The following LAMC1 variants were observed in gnomAD, a reference collection of about 807,000 sequenced individuals.
The protein encoded by LAMC1 is laminin subunit gamma 1, also known as laminin subunit gamma-1.
A neutral mutation model predicts 173.6 loss-of-function variants in LAMC1; 38 were observed. The observed-to-expected ratio is 0.22, with a 90% CI of 0.17 to 0.29. LAMC1 has a LOEUF of 0.29. Among genes scored for constraint, LAMC1 ranks in the 10% least tolerant of loss-of-function variants. The pLI is 1.00. For synonymous variants in LAMC1, 746 were observed against 749.1 expected, an observed-to-expected ratio of 1.00 and a Z score of 0.07; for missense variants, 1,824 against 2,051.8, an observed-to-expected ratio of 0.89 and a Z score of 2.14.
rs555811270 is a variant in LAMC1 at position 183,081,701 on chromosome 1, A to G, written c.419-21627A>G. On this transcript the variant is annotated intron_variant, in intron 1 of 27. Coordinates refer to ENST00000258341, the MANE Select transcript of LAMC1 (RefSeq NM_002293.4). The stretch of plus-strand genomic sequence containing the variant: ...GATCACCACACACATAGCCTCTGCA[A>G]TTGTCAACATTTCCTATCAGAATGG... Among the ~76,000 whole-genome samples the G allele has an allele frequency of 9.2e-5, 14 of 152,294 alleles. No individual in the cohort carries two copies. In the South Asian group the frequency reaches 1.5e-3, roughly 16 times the overall value.
intron 1 of LAMC1, among the ~76,000 whole-genome samples, chr1:183,055,675 G>T (rs185061229): frequency 1.8e-4 from 28 of 152,162 alleles, no homozygotes; most frequent in Admixed American, 2.6e-4. Flanking sequence ...AGATGGGCAT[G>T]GTGTCGTGCA....
rs1283205192 is a variant in LAMC1, at chr1:183,103,604, A to G, written c.695A>G (p.Tyr232Cys). The change falls in exon 2 of 28, where the codon TAT (tyrosine) becomes TGT (cysteine). Residue 232 changes from tyrosine (Y) to cysteine (C), a missense_variant. Transcript: ENST00000258341. ...ACCCTGGAAGGAAGGCCCAGCGCCT[A>G]TAACTTTGACAATAGCCCTGTGCTG... ...FSTLEGRPSAYNFDNSPVLQE... is the reference protein window; with the variant it reads ...FSTLEGRPSACNFDNSPVLQE... The G allele has an allele frequency of 4.4e-6, 7 of 1,580,440 alleles. No individual in the cohort carries two copies. Among genetic ancestry groups the G allele is most frequent in the Non-Finnish European group, 6.0e-6 (7 of 1,164,536 alleles).
intron 1 of LAMC1, 83 bp downstream of exon 1, chr1:183,024,217 A>C: frequency 7.5e-7 from 1 of 1,325,504 alleles, no homozygotes; most frequent in Non-Finnish European, 1.0e-6. Flanking sequence ...GGCCGGCCTC[A>C]CGGGCGCAGA....
Position 183,131,363 on chromosome 1 carries a change from G to T in LAMC1, c.3551G>T (p.Arg1184Leu), listed in dbSNP as rs781075791. ...NNMTLLAEEA[R>L]KLAERHKQEA... is the part of the protein sequence containing the mutation. ...ATGACTCTTTTGGCAGAAGAGGCTC[G>T]AAAGCTTGCTGAACGGTAACTTCTA... Residue 1184 changes from arginine (R) to leucine (L), a missense_variant, in exon 20 of 28, where the codon CGA becomes CTA. Physicochemically the swap from Arg to Leu is moderately radical, Grantham distance 102 (BLOSUM62 -2). Transcript: ENST00000258341. The T allele has an allele frequency of 2.2e-5, 35 of 1,613,088 alleles. No homozygotes were observed. The South Asian group carries it at 3.8e-4, about 18-fold the overall frequency.
In LAMC1 at chr1:183,023,651, G is replaced by A; in HGVS notation, c.-66G>A. The A allele has an allele frequency of 8.9e-7, 1 of 1,121,924 alleles. No homozygotes were observed. The highest frequency in any genetic ancestry group is 4.8e-5 in the Admixed American group (1 of 20,858). 69.5% of individuals were successfully genotyped at this position (1,121,924 alleles called of 1,614,324 possible). On this transcript the variant is annotated 5_prime_UTR_variant, in exon 1 of 28. Transcript: ENST00000258341. ...AGCAGCGAAGCGGCCTCCGGGGGAC[G>A]CCGCTAGGCGAGAGGAACGCGCCGG... is the stretch of plus-strand genomic sequence containing the variant.
intron 1 of LAMC1, among the ~76,000 whole-genome samples, chr1:183,075,937 C>A (rs1033003097): frequency 1.3e-5 from 2 of 152,110 alleles, no homozygotes; most frequent in South Asian, 4.1e-4. Context: ...TCAGCCACCT[C>A]CTTTGTGGAG....
intron 1 of LAMC1, among the ~76,000 whole-genome samples, chr1:183,041,757 C>A (rs983587986): frequency 9.9e-5 from 15 of 152,188 alleles, no homozygotes; most frequent in Non-Finnish European, 2.1e-4. Context: ...GGGAGGATTT[C>A]ATTGGCTTCC....
intron 4 of LAMC1, among the ~76,000 whole-genome samples, chr1:183,113,880 A>G (rs948152192): frequency 6.6e-6 from 1 of 152,232 alleles, no homozygotes; most frequent in African/African-American, 2.4e-5. Context: ...CTAAAGATTC[A>G]GGAGAATTAT....
intron 1 of LAMC1, among the ~76,000 whole-genome samples, chr1:183,098,982 C>G (rs1655763439): frequency 6.6e-6 from 1 of 152,184 alleles, no homozygotes; most frequent in Non-Finnish European, 1.5e-5. Flanking sequence ...GGCCCTGTAA[C>G]CCTTCCAAAT....
rs1243659379 is a variant in LAMC1, at chr1:183,136,377, T to A, written c.4115-9T>A. 6.2e-7 allele frequency: 1 copy of A among 1,613,644 alleles called. No homozygotes were observed. The highest frequency in any genetic ancestry group is 1.1e-5 in the South Asian group (1 of 90,994). ...GTTTAGCTCAAATGTGTCCTTGAAC[T>A]TGTTTCAGATTTTGATAGGCGTGTG... On this transcript the variant is annotated splice_polypyrimidine_tract_variant and intron_variant, in intron 24 of 27. Coordinates refer to ENST00000258341, the MANE Select transcript of LAMC1 (RefSeq NM_002293.4).
chr1:183,137,575 T>G, intron 25 of LAMC1, 94 bp from the exon 26 acceptor site: 1 of 657,926 alleles, frequency 1.5e-6, no homozygotes, highest in Non-Finnish European at 2.4e-6. Flanking sequence ...GGATTATATT[T>G]TTAAGACATT....
chr1:183,042,264 G>A (rs566094347), intron 1 of LAMC1, among the ~76,000 whole-genome samples: 34 of 152,278 alleles, frequency 2.2e-4, no homozygotes, highest in African/African-American at 7.5e-4. Flanking sequence ...GAGGCTGGGT[G>A]ATAGGCCCCT....
intron 1 of LAMC1, among the ~76,000 whole-genome samples, chr1:183,101,393 A>G (rs1369932236): frequency 2.6e-5 from 4 of 151,274 alleles, no homozygotes; most frequent in Non-Finnish European, 5.9e-5. Flanking sequence ...CTTTTAACAG[A>G]AAGTGTGTAA....
chr1:183,125,447 C>T lies in LAMC1; in HGVS notation c.2698C>T (p.Pro900Ser). Residue 900 changes from proline to serine, a missense_variant, in exon 15 of 28, where the codon CCC becomes TCC. Transcript: ENST00000258341. The part of the protein sequence containing the change: ...GTMKQQSSCN[P>S]VTGQCECLPH... The stretch of plus-strand genomic sequence containing the variant: ...CATGAAGCAGCAGAGCAGCTGTAAC[C>T]CCGTGACGGGGCAGTGTGAATGTTT... 1 of 1,614,068 alleles carries T rather than the reference C, an allele frequency of 6.2e-7. No individual in the cohort carries two copies. Among genetic ancestry groups the T allele is most frequent in the South Asian group, 1.1e-5 (1 of 91,074 alleles).
rs553474300 is a variant in LAMC1 at position 183,030,189 on chromosome 1, A to C, written c.418+6055A>C. Among the ~76,000 whole-genome samples, 4 of 152,304 alleles carry C rather than the reference A, an allele frequency of 2.6e-5. No individual in the cohort carries two copies. In the South Asian group the frequency reaches 8.3e-4, roughly 32 times the overall value. On this transcript the variant is annotated intron_variant, in intron 1 of 27. Coordinates refer to ENST00000258341, the MANE Select transcript of LAMC1 (RefSeq NM_002293.4). ...GCATTGTCTGTGGCTGTTTTTGCACAATAAGGGCAGAGTTGAGTAATAGCG... is the reference window on the plus strand; with the variant it reads ...GCATTGTCTGTGGCTGTTTTTGCACCATAAGGGCAGAGTTGAGTAATAGCG...
rs1459830342 is a variant in LAMC1, at chr1:183,117,616, C to A, written c.1770C>A (p.Leu590=). 2.5e-6 allele frequency: 4 copies of A among 1,614,114 alleles called. No homozygotes were observed. Among genetic ancestry groups the A allele is most frequent in the Non-Finnish European group, 3.4e-6 (4 of 1,179,944 alleles). Residue 590 remains leucine, a synonymous_variant, in exon 10 of 28, where the codon CTC becomes CTA. Transcript: ENST00000258341. ...GAGTGGACAGGCGAGATACTCGCCT[C>A]TCTGCAGAAGACCTTGTGCTTGAGG... The part of the protein sequence containing the change: ...SFRVDRRDTR[L]SAEDLVLEGA...
chr1:183,103,239 T>G, intron 1 of LAMC1, 89 bp from the exon 2 acceptor site: 1 of 1,231,156 alleles, frequency 8.1e-7, no homozygotes, highest in East Asian at 2.3e-5. Flanking sequence ...ATTTATATCC[T>G]TTGTCAAGTT....
chr1:183,034,660 C>T (rs912005032), intron 1 of LAMC1, among the ~76,000 whole-genome samples: 1 of 152,148 alleles, frequency 6.6e-6, no homozygotes, highest in South Asian at 2.1e-4. Flanking sequence ...CTTCCCGGAT[C>T]TTGAAGAAAA....
intron 3 of LAMC1, among the ~76,000 whole-genome samples, chr1:183,109,200 G>A (rs1357667941): frequency 6.6e-6 from 1 of 152,190 alleles, no homozygotes; most frequent in African/African-American, 2.4e-5. Flanking sequence ...TCCGGTATGG[G>A]ATTGGTGCTT....
Sources: allele counts gnomAD v4.1 joint callset (sites outside exome capture counted in the v4.1 genomes callset), GRCh38; gene constraint gnomAD v4.1.1; transcripts MANE v1.5; gene names NCBI Gene and HGNC (gene_info 2026-07-23, HGNC 2026-07-21).